CHPF2: variants seen among roughly 807,000 people sequenced by gnomAD.
CHPF2 encodes the protein chondroitin polymerizing factor 2.
A neutral mutation model predicts 63.0 loss-of-function variants in CHPF2; 58 were observed. That is an observed-to-expected ratio of 0.92 (90% CI 0.75 to 1.15). The LOEUF (loss-of-function observed/expected upper bound fraction) is 1.15. Ranked by LOEUF, CHPF2 falls within the 50% of genes most tolerant of loss-of-function variation. CHPF2 has a pLI of 0.00. For missense variants in CHPF2, 1,045 were observed against 1,035.4 expected, an observed-to-expected ratio of 1.01 and a Z score of -0.13; for synonymous variants, 442 against 438.0, an observed-to-expected ratio of 1.01 and a Z score of -0.11.
Position 151,237,655 on chromosome 7 carries a change from C to T in CHPF2, c.1293C>T (p.Asn431=), listed in dbSNP as rs762806980. ...GCTTCCAGAAGCAGCGACTGCTCAA[C>T]GGCTATCGGCGCTTCGACCCAGCAC... The part of the protein sequence containing the change: ...RLRFQKQRLL[N]GYRRFDPARG... The change falls in exon 4 of 4, where the codon AAC becomes AAT. Residue 431 remains asparagine (N), a synonymous_variant. Coordinates refer to ENST00000035307, the MANE Select transcript of CHPF2 (RefSeq NM_019015.3). 5.6e-6 allele frequency: 9 copies of T among 1,613,152 alleles called. No individual in the cohort carries two copies. Among genetic ancestry groups the T allele is most frequent in the African/African-American group, 2.7e-5 (2 of 74,948 alleles).
rs1802605390 is a variant in CHPF2, at chr7:151,235,342, T to C, written c.558T>C (p.Tyr186=). 1 of 1,613,928 alleles carries C rather than the reference T, an allele frequency of 6.2e-7. No individual in the cohort carries two copies. The highest frequency in any genetic ancestry group is 8.5e-7 in the Non-Finnish European group (1 of 1,180,024). The change falls in exon 2 of 4, where the codon TAT becomes TAC. Residue 186 remains tyrosine, a synonymous_variant. Transcript: ENST00000035307. The part of the protein sequence containing the change: ...DWFFIMQDDT[Y]VQAPRLAALA... ...TCTTCATCATGCAGGATGACACATA[T>C]GTGCAGGCCCCCCGCCTGGCAGCCC... is the stretch of plus-strand genomic sequence containing the variant.
Position 151,235,223 on chromosome 7 carries a change from C to T in CHPF2, c.439C>T (p.Gln147Ter), listed in dbSNP as rs753124310. 27 of 1,612,898 alleles carry T rather than the reference C, an allele frequency of 1.7e-5. No homozygotes were observed. Among genetic ancestry groups the T allele is most frequent in the Admixed American group, 3.3e-5 (2 of 59,992 alleles). Reference sequence around the variant, plus strand: ...GGGGGCCCGGGCTCCAGCAGGGATGCAGGTGGTGTCTCATGGGGATGAGCG... The same window carrying T: ...GGGGGCCCGGGCTCCAGCAGGGATGTAGGTGGTGTCTCATGGGGATGAGCG... ...QRGARAPAGM[Q>*]VVSHGDERPA... The change falls in exon 2 of 4, where the codon CAG becomes TAG. Residue 147 changes from glutamine (Q) to a stop codon, truncating the protein, a stop_gained. Coordinates refer to ENST00000035307, the MANE Select transcript of CHPF2 (RefSeq NM_019015.3). LOFTEE classifies it high-confidence loss of function.
Position 151,233,591 on chromosome 7 carries a change from T to C in CHPF2, c.-421T>C, listed in dbSNP as rs1802538554. 1.0e-6 allele frequency: 1 copy of C among 989,452 alleles called. No homozygotes were observed. The highest frequency in any genetic ancestry group is 1.2e-6 in the Non-Finnish European group (1 of 832,800). 61.3% of individuals were successfully genotyped at this position (989,452 alleles called of 1,614,324 possible). ...GCTGTTGTTTTGATGGATCGTGTGC[T>C]TTTCCCTTACCTCTTATCACTTGCT... On this transcript the variant is annotated 5_prime_UTR_variant, in exon 1 of 4. Coordinates refer to ENST00000035307, the MANE Select transcript of CHPF2 (RefSeq NM_019015.3).
In CHPF2 at chr7:151,238,268, C is replaced by A; in HGVS notation, c.1906C>A (p.Pro636Thr). 1.2e-6 allele frequency: 2 copies of A among 1,612,008 alleles called. No individual in the cohort carries two copies. Among genetic ancestry groups the A allele is most frequent in the Non-Finnish European group, 1.7e-6 (2 of 1,179,496 alleles). The stretch of plus-strand genomic sequence containing the variant: ...TCCTGCCCTGTCACCACAGAGATCA[C>A]CCCCAGGGCCCCCGGGGGCTGGCCC... Reference protein sequence around the residue: ...FNPALSPQRSPPGPPGAGPDP... With the variant: ...FNPALSPQRSTPGPPGAGPDP... The change falls in exon 4 of 4, where the codon CCC becomes ACC. Residue 636 changes from proline (P) to threonine (T), a missense_variant. Coordinates refer to ENST00000035307, the MANE Select transcript of CHPF2 (RefSeq NM_019015.3).
At chr7:151,234,913 C>A in intron 1 of CHPF2, 135 bp from the exon 2 acceptor site, 1 of 635,530 alleles carries the variant, frequency 1.6e-6, no homozygotes, top group Non-Finnish European at 2.7e-6. Flanking sequence ...AGTTCAGTAC[C>A]TAATTAATAT....
At position 151,238,104 on chromosome 7, in the gene CHPF2, C is replaced by CG. The variant is rs753820539; in HGVS notation, c.1743dup (p.Lys582GlufsTer64). 6.2e-7 allele frequency: 1 copy of CG among 1,612,242 alleles called. No individual in the cohort carries two copies. The highest frequency in any genetic ancestry group is 1.3e-5 in the African/African-American group (1 of 75,056). On this transcript the variant is annotated frameshift_variant, in exon 4 of 4. Transcript: ENST00000035307. LOFTEE classifies it high-confidence loss of function. ...CAGGTGCGACTCATGGACGTGGTCT[C>CG]GAAGAAGCACCCTGTGGACACTCTC...
chr7:151,235,492 G>A lies in CHPF2; in HGVS notation c.708G>A (p.Leu236=). The change falls in exon 2 of 4, where the codon CTG becomes CTA. Residue 236 remains leucine (L), a synonymous_variant. Transcript: ENST00000035307. ...GCTACCTGTTGTCACGGAGTCTCCT[G>A]CTTCGTCTGCGGCCACATCTGGATG... ...GFGYLLSRSL[L]LRLRPHLDGC... 6.2e-7 allele frequency: 1 copy of A among 1,611,428 alleles called. No individual in the cohort carries two copies. Among genetic ancestry groups the A allele is most frequent in the Non-Finnish European group, 8.5e-7 (1 of 1,180,016 alleles).
In CHPF2 at chr7:151,233,733, C is replaced by T. The variant is rs1430444333; in HGVS notation, c.-279C>T. The T allele has an allele frequency of 8.5e-7, 1 of 1,172,018 alleles. No individual in the cohort carries two copies. The highest frequency in any genetic ancestry group is 1.6e-5 in the African/African-American group (1 of 63,328). 72.6% of individuals were successfully genotyped at this position (1,172,018 alleles called of 1,614,324 possible). On this transcript the variant is annotated 5_prime_UTR_variant, in exon 1 of 4. Coordinates refer to ENST00000035307, the MANE Select transcript of CHPF2 (RefSeq NM_019015.3). ...TTTAGTGGAAGACAGACCATAATCCCAGTGTGAGTGAAATTGATTGTTTCA... is the reference window on the plus strand; with the variant it reads ...TTTAGTGGAAGACAGACCATAATCCTAGTGTGAGTGAAATTGATTGTTTCA...
chr7:151,238,137 T>C lies in CHPF2; in HGVS notation c.1775T>C (p.Leu592Pro). The C allele has an allele frequency of 2.5e-6, 4 of 1,612,460 alleles. No individual in the cohort carries two copies. Among genetic ancestry groups the C allele is most frequent in the Non-Finnish European group, 3.4e-6 (4 of 1,180,014 alleles). Residue 592 changes from leucine (L) to proline (P), a missense_variant, in exon 4 of 4, where the codon CTT becomes CCT. Transcript: ENST00000035307. ...KKHPVDTLFFLTTVWTRPGPE... is the reference protein window; with the variant it reads ...KKHPVDTLFFPTTVWTRPGPE... ...CACCCTGTGGACACTCTCTTCTTCC[T>C]TACCACCGTGTGGACAAGGCCTGGG...
In CHPF2 at chr7:151,232,929, T is replaced by G; in HGVS notation, c.-1083T>G. ...GGTGACGTGGCCAGTTTATTTCTGTTTTGAGACGAACGGCGAAGACTCGCG... is the reference window on the plus strand; with the variant it reads ...GGTGACGTGGCCAGTTTATTTCTGTGTTGAGACGAACGGCGAAGACTCGCG... On this transcript the variant is annotated 5_prime_UTR_variant, in exon 1 of 4. Transcript: ENST00000035307. The G allele has an allele frequency of 7.4e-7, 1 of 1,342,378 alleles. No individual in the cohort carries two copies. Among genetic ancestry groups the G allele is most frequent in the Non-Finnish European group, 9.5e-7 (1 of 1,048,686 alleles). 83.2% of individuals were successfully genotyped at this position (1,342,378 alleles called of 1,614,324 possible). A position where few individuals can be genotyped will look rare whatever the true frequency, so the allele number is the denominator to read the frequency against.
rs538264548 is a variant in CHPF2 at position 151,235,496 on chromosome 7, C to T, written c.712C>T (p.Arg238Cys). The change falls in exon 2 of 4, where the codon CGT (arginine) becomes TGT (cysteine). Residue 238 changes from arginine to cysteine, a missense_variant. Arg to Cys is a radical substitution (Grantham distance 180). Coordinates refer to ENST00000035307, the MANE Select transcript of CHPF2 (RefSeq NM_019015.3). ...CCTGTTGTCACGGAGTCTCCTGCTT[C>T]GTCTGCGGCCACATCTGGATGGCTG... ...GYLLSRSLLL[R>C]LRPHLDGCRG... 2.0e-5 allele frequency: 33 copies of T among 1,611,456 alleles called. No individual in the cohort carries two copies. Among genetic ancestry groups the T allele is most frequent in the East Asian group, 2.0e-4 (9 of 44,888 alleles).
In CHPF2 at chr7:151,232,512, T is replaced by TGGCAGCGGCTGCAGCGGCGGAGCC; in HGVS notation, c.-1496_-1473dup. The stretch of plus-strand genomic sequence containing the variant: ...GAAGCTGCGGACAGGGGCTGTGAGG[T>TGGCAGCGGCTGCAGCGGCGGAGCC]GGCAGCGGCTGCAGCGGCGGAGCCG... On this transcript the variant is annotated 5_prime_UTR_variant, in exon 1 of 4. Coordinates refer to ENST00000035307, the MANE Select transcript of CHPF2 (RefSeq NM_019015.3). 2.0e-6 allele frequency: 1 copy of TGGCAGCGGCTGCAGCGGCGGAGCC among 497,156 alleles called. No homozygotes were observed. The highest frequency in any genetic ancestry group is 3.5e-6 in the Non-Finnish European group (1 of 282,520). The allele number at this position is 497,156 out of a possible 1,614,324, so 30.8% of individuals were successfully genotyped here. A position where few individuals can be genotyped will look rare whatever the true frequency, so the allele number is the denominator to read the frequency against.
Position 151,237,871 on chromosome 7 carries a change from C to CCCGGCTTT in CHPF2, c.1512_1519dup (p.Leu507ArgfsTer42). 6.2e-7 allele frequency: 1 copy of CCCGGCTTT among 1,612,742 alleles called. No homozygotes were observed. The highest frequency in any genetic ancestry group is 1.7e-4 in the Middle Eastern group (1 of 6,060). On this transcript the variant is annotated frameshift_variant, in exon 4 of 4. Transcript: ENST00000035307. LOFTEE classifies it high-confidence loss of function. ...TCCTGGTGGCTGAAGCTGCTGCAGC[C>CCCGGCTTT]CCGGCTTTCCTCGAGGCCTTTGCAG...
chr7:151,232,696 G>C lies in CHPF2; in HGVS notation c.-1316G>C. On this transcript the variant is annotated 5_prime_UTR_variant, in exon 1 of 4. Coordinates refer to ENST00000035307, the MANE Select transcript of CHPF2 (RefSeq NM_019015.3). ...CTTTATCCGGTGTCCGCCGGCCCCCGGCCCTGAAACCCGGGCCTCCTCCCC... is the reference window on the plus strand; with the variant it reads ...CTTTATCCGGTGTCCGCCGGCCCCCCGCCCTGAAACCCGGGCCTCCTCCCC... The C allele has an allele frequency of 6.9e-7, 1 of 1,457,560 alleles. No homozygotes were observed. Among genetic ancestry groups the C allele is most frequent in the Non-Finnish European group, 9.1e-7 (1 of 1,095,836 alleles). The allele number at this position is 1,457,560 out of a possible 1,614,324, so 90.3% of individuals were successfully genotyped here.
At position 151,233,029 on chromosome 7, in the gene CHPF2, G is replaced by C. The variant is rs1467259515; in HGVS notation, c.-983G>C. On this transcript the variant is annotated 5_prime_UTR_variant, in exon 1 of 4. Transcript: ENST00000035307. ...GCGCAGGGGCTGTGGGCCCCCGGCAGGGGTCCTGTCGGAAGCTGGCCGCGC... is the reference window on the plus strand; with the variant it reads ...GCGCAGGGGCTGTGGGCCCCCGGCACGGGTCCTGTCGGAAGCTGGCCGCGC... 7.9e-7 allele frequency: 1 copy of C among 1,264,284 alleles called. No homozygotes were observed. Among genetic ancestry groups the C allele is most frequent in the Non-Finnish European group, 1.0e-6 (1 of 1,004,388 alleles). The allele number at this position is 1,264,284 out of a possible 1,614,324, so 78.3% of individuals were successfully genotyped here.
chr7:151,234,116 G>A lies in CHPF2; in HGVS notation c.105G>A (p.Gln35=). The A allele has an allele frequency of 6.2e-7, 1 of 1,611,098 alleles. No homozygotes were observed. Among genetic ancestry groups the A allele is most frequent in the Non-Finnish European group, 8.5e-7 (1 of 1,178,624 alleles). The change falls in exon 1 of 4, where the codon CAG becomes CAA. Residue 35 remains glutamine, a synonymous_variant. Transcript: ENST00000035307. ...SLSLLRVSWI[Q]GEGEDPCVEA... ...GCCTCCTGCGGGTTTCCTGGATCCA[G>A]GGGGAGGGAGAAGATCCCTGTGTCG...
At chr7:151,236,065 A>G (rs1802636174) in intron 2 of CHPF2, among the ~76,000 whole-genome samples, 1 of 152,236 alleles carries the variant, frequency 6.6e-6, no homozygotes, top group African/African-American at 2.4e-5. Context: ...GGCTTGTGTC[A>G]TTCATTCCCT....
rs1270526596 is a variant in CHPF2, at chr7:151,237,610, G to A, written c.1248G>A (p.Arg416=). The A allele has an allele frequency of 1.2e-6, 2 of 1,613,116 alleles. No individual in the cohort carries two copies. The highest frequency in any genetic ancestry group is 1.3e-5 in the African/African-American group (1 of 75,066). Reference sequence around the variant, plus strand: ...AGACTGCCCTGGAGCAGCTCAATCGGCGCTATCAGCCCCGCCTGCGCTTCC... The same window carrying A: ...AGACTGCCCTGGAGCAGCTCAATCGACGCTATCAGCCCCGCCTGCGCTTCC... ...ALETALEQLN[R]RYQPRLRFQK... Residue 416 remains arginine (R), a synonymous_variant, in exon 4 of 4, where the codon CGG becomes CGA. Transcript: ENST00000035307.
At position 151,237,705 on chromosome 7, in the gene CHPF2, T is replaced by A. The variant is rs765877277; in HGVS notation, c.1343T>A (p.Leu448Gln). The A allele has an allele frequency of 6.2e-7, 1 of 1,612,988 alleles. No individual in the cohort carries two copies. Among genetic ancestry groups the A allele is most frequent in the South Asian group, 1.1e-5 (1 of 91,090 alleles). The change falls in exon 4 of 4, where the codon CTG becomes CAG. Residue 448 changes from leucine (L) to glutamine (Q), a missense_variant. Physicochemically the swap from Leu to Gln is moderately radical, Grantham distance 113. Coordinates refer to ENST00000035307, the MANE Select transcript of CHPF2 (RefSeq NM_019015.3). The stretch of plus-strand genomic sequence containing the variant: ...CGGGGCATGGAGTACACCCTGGACC[T>A]GCTGTTGGAATGTGTGACACAGCGT... ...PARGMEYTLD[L>Q]LLECVTQRGH...
Sources: allele counts gnomAD v4.1 joint callset (sites outside exome capture counted in the v4.1 genomes callset), GRCh38; gene constraint gnomAD v4.1.1; transcripts MANE v1.5; gene names NCBI Gene and HGNC (gene_info 2026-07-23, HGNC 2026-07-21).